Variants in YME1L1 observed in about 807,000 individuals in gnomAD.
YME1L1 encodes YME1 like 1 ATPase.
YME1L1 carries 39 observed loss-of-function variants against 90.4 expected under a neutral mutation model. The ratio of observed to expected loss-of-function variants is 0.43; its 90% CI spans 0.33 to 0.56. The LOEUF is 0.56. Among genes scored for constraint, YME1L1 ranks in the 20% least tolerant of loss-of-function variants. YME1L1 has a pLI of 0.03. For synonymous variants in YME1L1, 284 were observed against 287.3 expected (o/e 0.99, Z 0.12); for missense variants, 617 against 868.4 (o/e 0.71, Z 3.64).
intron 11 of YME1L1, among the ~76,000 whole-genome samples, 190 bp downstream of exon 11, chr10:27,122,646 AACAAT>A (rs759244347): frequency 1.3e-5 from 2 of 152,202 alleles, no homozygotes; most frequent in Non-Finnish European, 2.9e-5. Context: ...TAGTAATGAA[AACAAT>A]ACAATACTGA....
At chr10:27,136,408 C>G (rs1331897915) in intron 4 of YME1L1, 23 bp from the exon 5 acceptor site, 1 of 1,573,776 alleles carries the variant, frequency 6.4e-7, no homozygotes, top group South Asian at 1.1e-5. Context: ...ATACCATTCA[C>G]TGTCACTATA....
chr10:27,134,816 GTCAAT>G lies in YME1L1; in HGVS notation c.691+10_691+14del. On this transcript the variant is annotated intron_variant, in intron 6 of 18. Coordinates refer to ENST00000376016, the MANE Select transcript of YME1L1 (RefSeq NM_014263.4). ...GTTACTCTTCTCAAACACGGATGGT[GTCAAT>G]TCAACTTACCATTGGTTTTTTGTGT... is the stretch of plus-strand genomic sequence containing the variant. 1 of 1,612,586 alleles carries G rather than the reference GTCAAT, an allele frequency of 6.2e-7. No homozygotes were observed. The highest frequency in any genetic ancestry group is 8.5e-7 in the Non-Finnish European group (1 of 1,178,936).
intron 17 of YME1L1, among the ~76,000 whole-genome samples, chr10:27,115,062 A>G (rs1406189423): frequency 2.6e-5 from 4 of 151,832 alleles, no homozygotes; most frequent in Non-Finnish European, 5.9e-5. Flanking sequence ...ATTTGAGGGC[A>G]AAGAAATTTC....
At chr10:27,153,686 A>G (rs1341492331) in intron 1 of YME1L1, among the ~76,000 whole-genome samples, 4 of 152,208 alleles carry the variant, frequency 2.6e-5, no homozygotes, top group Admixed American at 1.3e-4. Context: ...ATGAGAAAAA[A>G]ACTTGCATGG....
chr10:27,142,022 T>C (rs536364366), intron 4 of YME1L1, among the ~76,000 whole-genome samples: 17 of 152,182 alleles, frequency 1.1e-4, no homozygotes, highest in African/African-American at 4.1e-4. Context: ...AAATTTCTCG[T>C]CCGTTAACGG....
intron 9 of YME1L1, among the ~76,000 whole-genome samples, chr10:27,126,356 G>A (rs1247657399): frequency 6.6e-6 from 1 of 152,078 alleles, no homozygotes; most frequent in African/African-American, 2.4e-5. Flanking sequence ...CTGAACTCGG[G>A]AGGTTGTGGC....
At chr10:27,139,008 G>A (rs1470271536) in intron 4 of YME1L1, among the ~76,000 whole-genome samples, 1 of 151,876 alleles carries the variant, frequency 6.6e-6, no homozygotes, top group Non-Finnish European at 1.5e-5. Context: ...TAATCAATAT[G>A]ATAAATTGAC....
chr10:27,118,756 T>A (rs1318726253), intron 14 of YME1L1, among the ~76,000 whole-genome samples: 2 of 152,232 alleles, frequency 1.3e-5, no homozygotes, highest in Non-Finnish European at 2.9e-5. Flanking sequence ...ATAATTAATG[T>A]GATTTTAAGC....
intron 15 of YME1L1, among the ~76,000 whole-genome samples, chr10:27,117,060 G>A (rs1185585541): frequency 3.3e-5 from 5 of 152,080 alleles, no homozygotes; most frequent in Admixed American, 1.3e-4. Context: ...CCAGCAATTA[G>A]AGAATAAAAA....
intron 2 of YME1L1, chr10:27,147,364 A>C: frequency 6.7e-7 from 1 of 1,490,826 alleles, no homozygotes; most frequent in Non-Finnish European, 9.3e-7. Flanking sequence ...AAACAAACAA[A>C]GAAACTAGAC....
chr10:27,152,839 T>G (rs533217621), intron 1 of YME1L1, among the ~76,000 whole-genome samples: 1 of 152,304 alleles, frequency 6.6e-6, no homozygotes, highest in Admixed American at 6.5e-5. Context: ...TTTTAGCTGA[T>G]AACATCTTCC....
intron 3 of YME1L1, among the ~76,000 whole-genome samples, chr10:27,142,906 G>C (rs545126920): frequency 6.6e-6 from 1 of 151,858 alleles, no homozygotes; most frequent in Non-Finnish European, 1.5e-5. Flanking sequence ...TAGTAGAGAC[G>C]GGGTTTCACT....
In YME1L1 at chr10:27,119,462, G is replaced by C. The variant is rs374299648; in HGVS notation, c.1412-13C>G. ...TCTGGATCAACGGCTAATGTAAAAA[G>C]AGAACACAACGCTAATAAGTCTAAA... On this transcript the variant is annotated splice_polypyrimidine_tract_variant and intron_variant, in intron 13 of 18. Coordinates refer to ENST00000376016, the MANE Select transcript of YME1L1 (RefSeq NM_014263.4). 6.2e-7 allele frequency: 1 copy of C among 1,601,112 alleles called. No homozygotes were observed. Among genetic ancestry groups the C allele is most frequent in the African/African-American group, 1.4e-5 (1 of 73,784 alleles).
intron 3 of YME1L1, among the ~76,000 whole-genome samples, chr10:27,145,202 T>G (rs2057129903): frequency 6.6e-6 from 1 of 151,592 alleles, no homozygotes; most frequent in Admixed American, 6.6e-5. Context: ...CATGATTATG[T>G]AAGATGCCAA....
Position 27,111,853 on chromosome 10 carries a change from A to G in YME1L1, c.*124T>C. 1 of 1,270,008 alleles carries G rather than the reference A, an allele frequency of 7.9e-7. No individual in the cohort carries two copies. Among genetic ancestry groups the G allele is most frequent in the African/African-American group, 1.5e-5 (1 of 68,284 alleles). The allele number at this position is 1,270,008 out of a possible 1,614,324, so 78.7% of individuals were successfully genotyped here. A position where few individuals can be genotyped will look rare whatever the true frequency, so the allele number is the denominator to read the frequency against. On this transcript the variant is annotated 3_prime_UTR_variant, in exon 19 of 19. Transcript: ENST00000376016. ...GATAAATGTGACAAATGATTGACAA[A>G]GCATTTCACACCCTTCAATTACACC...
chr10:27,119,489 C>G (rs758939834), intron 13 of YME1L1, 40 bp from the exon 14 acceptor site: 2 of 1,570,900 alleles, frequency 1.3e-6, no homozygotes, highest in South Asian at 1.2e-5. Context: ...AAGTCTAAAA[C>G]AGGTAAAAGA....
chr10:27,153,812 A>G (rs966245172), intron 1 of YME1L1, among the ~76,000 whole-genome samples: 3 of 152,242 alleles, frequency 2.0e-5, no homozygotes, highest in Non-Finnish European at 4.4e-5. Flanking sequence ...GTCGGAAAAA[A>G]GGGAACATTA....
Position 27,116,111 on chromosome 10 carries a change from A to G in YME1L1, c.1869T>C (p.Asn623=). 6.2e-7 allele frequency: 1 copy of G among 1,614,056 alleles called. No homozygotes were observed. The highest frequency in any genetic ancestry group is 1.1e-5 in the South Asian group (1 of 91,070). Residue 623 remains asparagine (N), a synonymous_variant, in exon 17 of 19, where the codon AAT becomes AAC. Transcript: ENST00000376016. ...CCATCCGCTTTGCTATTTTAGTGGCATTATCAAAATCACTGGAAGCACCTA... is the reference window on the plus strand; with the variant it reads ...CCATCCGCTTTGCTATTTTAGTGGCGTTATCAAAATCACTGGAAGCACCTA... ...ITTGASSDFD[N]ATKIAKRMVT... is the part of the protein sequence containing the mutation.
chr10:27,148,904 A>G lies in YME1L1; in HGVS notation c.168+2T>C, dbSNP rs1323679069. ...TCTCACACAACCAGGATAAAGACTT[A>G]CCTCACTGCTGGGAGCCTCATGCTC... On this transcript the variant is annotated splice_donor_variant, in intron 2 of 18. Coordinates refer to ENST00000376016, the MANE Select transcript of YME1L1 (RefSeq NM_014263.4). LOFTEE classifies it high-confidence loss of function. 1 of 1,613,698 alleles carries G rather than the reference A, an allele frequency of 6.2e-7. No homozygotes were observed. Among genetic ancestry groups the G allele is most frequent in the Non-Finnish European group, 8.5e-7 (1 of 1,179,954 alleles).
Sources: allele counts gnomAD v4.1 joint callset (sites outside exome capture counted in the v4.1 genomes callset), GRCh38; gene constraint gnomAD v4.1.1; transcripts MANE v1.5; gene names NCBI Gene and HGNC (gene_info 2026-07-23, HGNC 2026-07-21).